Variants in DLGAP2 observed in about 807,000 individuals in gnomAD.
DLGAP2 encodes disks large-associated protein 2.
Under a neutral mutation model 100.3 loss-of-function variants are expected in DLGAP2, and 26 were observed. The ratio of observed to expected loss-of-function variants is 0.26; its 90% CI spans 0.19 to 0.36. DLGAP2 has a LOEUF of 0.36. Ranked by LOEUF, DLGAP2 falls within the 10% of genes least tolerant of loss-of-function variation. The probability of loss-of-function intolerance (pLI) is 1.00; values close to 1 mark genes in which losing one functional copy is unlikely to be tolerated. For missense variants in DLGAP2, 1,858 were observed against 1,453.2 expected (o/e 1.28, Z -4.53); for synonymous variants, 886 against 630.1 (o/e 1.41, Z -6.08).
intron 2 of DLGAP2, among the ~76,000 whole-genome samples, chr8:1,187,994 G>T (rs1459073327): frequency 8.4e-6 from 1 of 119,170 alleles, no homozygotes; most frequent in East Asian, 2.3e-4. Context: ...CCTCTGTGAC[G>T]TTTGCCTCAC....
chr8:986,099 G>T (rs1476892167), intron 2 of DLGAP2, among the ~76,000 whole-genome samples: 1 of 152,164 alleles, frequency 6.6e-6, no homozygotes, highest in African/African-American at 2.4e-5. Context: ...TATTAGGGGG[G>T]AGTATGGCTG....
intron 2 of DLGAP2, among the ~76,000 whole-genome samples, chr8:1,130,642 G>T (rs913145694): frequency 6.6e-6 from 1 of 152,230 alleles, no homozygotes; most frequent in Non-Finnish European, 1.5e-5. Context: ...AGCGTGGCAC[G>T]GACCAGAGGC....
intron 7 of DLGAP2, among the ~76,000 whole-genome samples, chr8:1,628,779 C>T (rs1454970850): frequency 2.6e-5 from 4 of 151,140 alleles, no homozygotes; most frequent in African/African-American, 9.8e-5. Context: ...GGATTAAGAG[C>T]CTGAGCGCAG....
At position 1,164,216 on chromosome 8, in the gene DLGAP2, C is replaced by CGTTTTGGTTTGTGGGG. The variant is rs1563224298; in HGVS notation, c.74-94635_74-94634insGTTTTGGTTTGTGGGG. 2.6e-4 allele frequency among the ~76,000 whole-genome samples: 34 copies of CGTTTTGGTTTGTGGGG among 129,036 alleles called. 1 individual carries two copies. Among genetic ancestry groups the CGTTTTGGTTTGTGGGG allele is most frequent in the Admixed American group, 5.2e-4 (7 of 13,390 alleles). 84.7% of individuals were successfully genotyped at this position (129,036 alleles called of 152,430 possible). ...TTTTCTGTGAGCCCCCAGGGCCCGT[C>CGTTTTGGTTTGTGGGG]ATTTTGGTTTGTGGGGACAGATTTT... On this transcript the variant is annotated intron_variant, in intron 2 of 14. Transcript: ENST00000637795.
chr8:1,299,880 C>T (rs559972788), intron 3 of DLGAP2: 1 of 152,284 alleles, frequency 6.6e-6, no homozygotes, highest in South Asian at 2.1e-4. Context: ...CACAACAAAA[C>T]ACCATAGACT....
intron 4 of DLGAP2, among the ~76,000 whole-genome samples, chr8:1,547,083 C>T (rs113592557): frequency 0.015 from 2,265 of 152,084 alleles, 24 homozygotes; most frequent in Non-Finnish European, 0.023. Context: ...GGAGGAGAGG[C>T]GGCAGGACCC....
Position 1,626,800 on chromosome 8 carries a change from G to A in DLGAP2, c.1503G>A (p.Ala501=), listed in dbSNP as rs368188126. The change falls in exon 7 of 15, where the codon GCG becomes GCA. Residue 501 remains alanine (A), a synonymous_variant. Transcript: ENST00000637795. ...TGGGACACAGCCTGGACCCCGCTGC[G>A]AACTACAACTCCCCGAAATTCCGCT... The part of the protein sequence containing the change: ...VPVGHSLDPA[A]NYNSPKFRSR... 6.2e-6 allele frequency: 10 copies of A among 1,604,088 alleles called. No individual in the cohort carries two copies. Among genetic ancestry groups the A allele is most frequent in the East Asian group, 2.3e-5 (1 of 44,356 alleles).
At chr8:853,528 C>A (rs923706299) in intron 1 of DLGAP2, among the ~76,000 whole-genome samples, 3 of 152,170 alleles carry the variant, frequency 2.0e-5, no homozygotes, top group Non-Finnish European at 4.4e-5. Context: ...CCCACGACAT[C>A]CAAGTTCTCA....
chr8:915,327 C>T (rs1190453878), intron 2 of DLGAP2, among the ~76,000 whole-genome samples: 3 of 152,254 alleles, frequency 2.0e-5, no homozygotes, highest in East Asian at 3.9e-4. Context: ...GTGGGTGGAT[C>T]ACAAGGTCAG....
intron 2 of DLGAP2, among the ~76,000 whole-genome samples, chr8:1,203,749 A>G (rs2116766296): frequency 6.6e-6 from 1 of 152,304 alleles, no homozygotes; most frequent in Non-Finnish European, 1.5e-5. Flanking sequence ...CTCACTTTAC[A>G]GTGATGAAAT....
intron 14 of DLGAP2, among the ~76,000 whole-genome samples, chr8:1,700,326 G>A (rs941294988): frequency 2.6e-5 from 4 of 152,196 alleles, no homozygotes; most frequent in Non-Finnish European, 5.9e-5. Context: ...CCCTTTCCTG[G>A]GAAGGAAACA....
At chr8:910,826 C>G (rs1373405031) in intron 2 of DLGAP2, among the ~76,000 whole-genome samples, 1 of 152,086 alleles carries the variant, frequency 6.6e-6, no homozygotes. Context: ...GTCCTTAGCA[C>G]CTTTTTTTTG....
chr8:1,483,457 G>A (rs1440728028), intron 3 of DLGAP2, among the ~76,000 whole-genome samples: 1 of 147,916 alleles, frequency 6.8e-6, no homozygotes, highest in Non-Finnish European at 1.5e-5. Context: ...TCAGGGAGCA[G>A]GACCTGAGGG....
chr8:1,349,538 C>T (rs1360687660), intron 3 of DLGAP2, among the ~76,000 whole-genome samples: 1 of 147,844 alleles, frequency 6.8e-6, no homozygotes, highest in Non-Finnish European at 1.5e-5. Context: ...CTGTCGTGAG[C>T]CTCCCGCCCA....
chr8:882,848 G>A (rs1273502084), intron 1 of DLGAP2, among the ~76,000 whole-genome samples: 3 of 152,352 alleles, frequency 2.0e-5, no homozygotes, highest in South Asian at 4.1e-4. Context: ...GTTCCCCTCC[G>A]CCCCGTGGTG....
At chr8:1,429,356 T>C (rs1044912469) in intron 3 of DLGAP2, among the ~76,000 whole-genome samples, 1 of 152,128 alleles carries the variant, frequency 6.6e-6, no homozygotes, top group Non-Finnish European at 1.5e-5. Flanking sequence ...CCCATTGGCC[T>C]CCGAATTAAA....
chr8:1,581,434 C>G (rs1803252047), intron 6 of DLGAP2, among the ~76,000 whole-genome samples: 1 of 150,526 alleles, frequency 6.6e-6, no homozygotes, highest in Admixed American at 6.6e-5. Flanking sequence ...ACACCACAGT[C>G]AAACTACCAG....
chr8:1,347,993 T>A (rs529421501), intron 3 of DLGAP2, among the ~76,000 whole-genome samples: 18 of 151,260 alleles, frequency 1.2e-4, no homozygotes, highest in African/African-American at 4.1e-4. Flanking sequence ...GGAGGTTGAG[T>A]TCCCATACAG....
intron 12 of DLGAP2, among the ~76,000 whole-genome samples, chr8:1,686,393 C>T (rs570061771): frequency 6.0e-4 from 92 of 152,258 alleles, no homozygotes; most frequent in African/African-American, 2.1e-3. Context: ...CTCAGGCGGG[C>T]GCAGTGGCTC....
Sources: allele counts gnomAD v4.1 joint callset (sites outside exome capture counted in the v4.1 genomes callset), GRCh38; gene constraint gnomAD v4.1.1; transcripts MANE v1.5; gene names NCBI Gene and HGNC (gene_info 2026-07-23, HGNC 2026-07-21).